The following PAGE2B variants were observed in gnomAD, a reference collection of about 807,000 sequenced individuals.
The protein encoded by PAGE2B is putative G antigen family E member 3.
Under a neutral mutation model 7.6 loss-of-function variants are expected in PAGE2B, and 5 were observed. The observed-to-expected ratio is 0.66, with a 90% CI of 0.34 to 1.38. The LOEUF (loss-of-function observed/expected upper bound fraction) is 1.38. Among genes scored for constraint, PAGE2B ranks in the 40% most tolerant of loss-of-function variants. PAGE2B has a pLI of 0.04. For missense variants in PAGE2B, 70 were observed against 78.4 expected (o/e 0.89, Z 0.41); for synonymous variants, 29 against 26.7 (o/e 1.09, Z -0.27).
the PAGE2B span, among the ~76,000 whole-genome samples, chrX:55,050,808 G>T: frequency 1.8e-5 from 2 of 111,270 alleles, no homozygotes; most frequent in Non-Finnish European, 3.8e-5. Context: ...GCCCATTTAC[G>T]TTTAAGGTTA....
the PAGE2B span, among the ~76,000 whole-genome samples, chrX:55,051,952 G>A: frequency 9.0e-6 from 1 of 111,352 alleles, no homozygotes; most frequent in East Asian, 2.8e-4. Context: ...ATCTACCTTT[G>A]GTCTTTGATG....
the PAGE2B span, among the ~76,000 whole-genome samples, chrX:55,057,570 A>C: frequency 9.0e-6 from 1 of 110,878 alleles, no homozygotes; most frequent in African/African-American, 3.3e-5. Flanking sequence ...ATGGAGTCCT[A>C]ATGATATTGC....
the PAGE2B span, among the ~76,000 whole-genome samples, chrX:55,035,120 C>T: frequency 9.0e-6 from 1 of 111,095 alleles, no homozygotes; most frequent in Non-Finnish European, 1.9e-5. Context: ...TGTTAATCTC[C>T]TTTGGGCAAC....
the PAGE2B span, among the ~76,000 whole-genome samples, chrX:55,061,180 T>C: frequency 1.8e-5 from 2 of 111,154 alleles, no homozygotes; most frequent in African/African-American, 3.3e-5. Flanking sequence ...AATGAGCTAC[T>C]TTATTTTCAT....
chrX:55,051,840 C>T, the PAGE2B span, among the ~76,000 whole-genome samples: 1 of 112,149 alleles, frequency 8.9e-6, no homozygotes, highest in Non-Finnish European at 1.9e-5. Flanking sequence ...AGCTTTGTTC[C>T]ATTGCTGGTG....
the PAGE2B span, among the ~76,000 whole-genome samples, chrX:55,053,171 C>T: frequency 9.0e-6 from 1 of 111,685 alleles, no homozygotes; most frequent in Non-Finnish European, 1.9e-5. Context: ...ACATATACAC[C>T]ATGGAATTCT....
the PAGE2B span, among the ~76,000 whole-genome samples, chrX:55,060,253 T>C: frequency 9.0e-6 from 1 of 111,681 alleles, no homozygotes; most frequent in East Asian, 2.8e-4. Flanking sequence ...ACATTCCCAC[T>C]AATAGTGCTC....
the PAGE2B span, among the ~76,000 whole-genome samples, chrX:55,057,078 C>T: frequency 9.0e-6 from 1 of 111,459 alleles, no homozygotes; most frequent in African/African-American, 3.3e-5. Context: ...TAATTTTACT[C>T]AACTTCACCA....
At chrX:55,048,286 G>A in the PAGE2B span, among the ~76,000 whole-genome samples, 6 of 111,538 alleles carry the variant, frequency 5.4e-5, no homozygotes, top group African/African-American at 1.3e-4. Flanking sequence ...TTGGTGATGC[G>A]GGCTCTTTTT....
At chrX:55,077,368 T>C in intron 3 of PAGE2B, 31 bp from the exon 4 acceptor site, 1 of 1,206,619 alleles carries the variant, frequency 8.3e-7, no homozygotes. Flanking sequence ...ATGTTTTAAT[T>C]TGTAAACTGA....
In PAGE2B at chrX:55,075,949, A is replaced by G. The variant is rs1412006434; in HGVS notation, c.-8-85A>G. 7.6e-6 allele frequency: 7 copies of G among 921,587 alleles called. No individual in the cohort carries two copies. In the Admixed American group the frequency reaches 1.3e-4, roughly 16 times the overall value. 75.9% of individuals were successfully genotyped at this position (921,587 alleles called of 1,213,427 possible). A position where few individuals can be genotyped will look rare whatever the true frequency, so the allele number is the denominator to read the frequency against. The stretch of plus-strand genomic sequence containing the variant: ...AAAATATTTTCAAAATTAAAAAAAT[A>G]CAAATCACCATTTTGCCATGGAATG... On this transcript the variant is annotated intron_variant, in intron 1 of 4. Transcript: ENST00000374971.
the PAGE2B span, among the ~76,000 whole-genome samples, chrX:55,054,187 C>T: frequency 8.2e-5 from 9 of 109,550 alleles, no homozygotes; most frequent in East Asian, 2.9e-4. Flanking sequence ...CCAGCCTGGG[C>T]GACAGAGTGA....
At chrX:55,031,335 C>T in the PAGE2B span, among the ~76,000 whole-genome samples, 1 of 111,583 alleles carries the variant, frequency 9.0e-6, no homozygotes, top group Non-Finnish European at 1.9e-5. Context: ...TGGGAGGGCT[C>T]TGGAGTCAGA....
At chrX:55,076,402 A>ATG (rs1453176255) in intron 2 of PAGE2B, among the ~76,000 whole-genome samples, 167 bp from the exon 3 acceptor site, 4 of 105,537 alleles carry the variant, frequency 3.8e-5, no homozygotes, top group African/African-American at 1.5e-4. Context: ...ATGTATGTGT[A>ATG]TATATGTATG....
upstream of PAGE2B, among the ~76,000 whole-genome samples, chrX:55,073,863 T>C (rs977711584): frequency 9.0e-6 from 1 of 111,675 alleles, no homozygotes; most frequent in African/African-American, 3.3e-5. Context: ...ACACTCCTGG[T>C]TTTTGTACAT....
the PAGE2B span, among the ~76,000 whole-genome samples, chrX:55,050,547 C>T: frequency 9.0e-6 from 1 of 110,623 alleles, no homozygotes; most frequent in African/African-American, 3.3e-5. Flanking sequence ...GAATTGATCC[C>T]TTTACCATTA....
chrX:55,054,842 G>A, the PAGE2B span: 1 of 111,658 alleles, frequency 9.0e-6, no homozygotes, highest in Non-Finnish European at 1.9e-5. Context: ...TAACTGCCTT[G>A]ATAAAAGGAT....
the PAGE2B span, among the ~76,000 whole-genome samples, chrX:55,069,525 C>CA: frequency 2.7e-5 from 3 of 110,556 alleles, no homozygotes; most frequent in Non-Finnish European, 5.7e-5. Context: ...GTTTCTCTGC[C>CA]AGGCTTTGGT....
chrX:55,052,245 A>T, the PAGE2B span, among the ~76,000 whole-genome samples: 2 of 112,137 alleles, frequency 1.8e-5, no homozygotes, highest in African/African-American at 6.5e-5. Flanking sequence ...CAGTTAGGCT[A>T]CTCATGGGTG....
Sources: gnomAD v4.1 joint callset for allele counts (sites outside exome capture counted in the v4.1 genomes callset) on GRCh38, gnomAD v4.1.1 for gene constraint, MANE v1.5 for transcripts, NCBI Gene and HGNC (gene_info 2026-07-23, HGNC 2026-07-21) for gene names.